GPC6: variants seen among roughly 807,000 people sequenced by gnomAD.
The protein encoded by GPC6 is glypican 6, also known as glypican-6.
Under a neutral mutation model 55.2 loss-of-function variants are expected in GPC6, and 14 were observed. The observed-to-expected ratio is 0.25, with a 90% CI of 0.17 to 0.40. GPC6 has a LOEUF of 0.40. GPC6 is among the 10% of genes least tolerant of loss of function. GPC6 has a pLI of 1.00. For missense variants in GPC6, 641 were observed against 708.5 expected (o/e 0.90, Z 1.08); for synonymous variants, 278 against 259.6 (o/e 1.07, Z -0.68).
chr13:93,225,690 T>C (rs1048167156), upstream of GPC6, among the ~76,000 whole-genome samples: 1 of 152,154 alleles, frequency 6.6e-6, no homozygotes, highest in African/African-American at 2.4e-5. Context: ...ACAATGTACC[T>C]AATATGTTGT....
intron 4 of GPC6, among the ~76,000 whole-genome samples, chr13:94,243,899 C>T (rs1306703825): frequency 1.3e-5 from 2 of 152,094 alleles, no homozygotes; most frequent in Non-Finnish European, 2.9e-5. Context: ...GGACAGGATG[C>T]TTTCTCTTTC....
chr13:93,405,930 A>G (rs917238556), intron 1 of GPC6, among the ~76,000 whole-genome samples: 1 of 152,204 alleles, frequency 6.6e-6, no homozygotes, highest in Non-Finnish European at 1.5e-5. Flanking sequence ...AAAGTCCTAG[A>G]GGCCCCACTC....
chr13:93,741,985 A>G (rs4771881), intron 2 of GPC6, among the ~76,000 whole-genome samples: 73,124 of 152,102 alleles, frequency 0.48, 19,640 homozygotes, highest in Middle Eastern at 0.74. Context: ...ACAGAACTAA[A>G]AAAATGTAAA....
At chr13:93,865,474 T>A (rs566731772) in intron 3 of GPC6, among the ~76,000 whole-genome samples, 38 of 151,806 alleles carry the variant, frequency 2.5e-4, no homozygotes, top group Non-Finnish European at 4.7e-4. Context: ...TTTAAGTGGC[T>A]TTCCAGATAT....
At chr13:94,311,018 C>T (rs1280577968) in intron 6 of GPC6, among the ~76,000 whole-genome samples, 3 of 152,036 alleles carry the variant, frequency 2.0e-5, no homozygotes, top group African/African-American at 4.8e-5. Flanking sequence ...GTTTGCTTTT[C>T]GTTTTCTACT....
chr13:93,925,278 A>AT (rs1254954846), intron 3 of GPC6, among the ~76,000 whole-genome samples: 1 of 151,522 alleles, frequency 6.6e-6, no homozygotes, highest in Admixed American at 6.6e-5. Flanking sequence ...AGTCTTTTCT[A>AT]TTTTTTTTTA....
intron 1 of GPC6, among the ~76,000 whole-genome samples, chr13:93,437,121 A>T (rs1877602630): frequency 6.6e-6 from 1 of 152,100 alleles, no homozygotes; most frequent in East Asian, 1.9e-4. Flanking sequence ...ATGCCCATAT[A>T]AAAAAGCAAA....
chr13:93,220,962 A>G, the GPC6 span, among the ~76,000 whole-genome samples: 6 of 152,200 alleles, frequency 3.9e-5, no homozygotes, highest in East Asian at 1.2e-3. Context: ...CACTCACTGC[A>G]CCCTTGACCT....
At chr13:93,465,307 A>G (rs1346307727) in intron 1 of GPC6, among the ~76,000 whole-genome samples, 1 of 152,186 alleles carries the variant, frequency 6.6e-6, no homozygotes, top group Non-Finnish European at 1.5e-5. Flanking sequence ...CTTTTTAGCT[A>G]TAAAAGTCCT....
At chr13:93,387,781 A>G (rs187934750) in intron 1 of GPC6, among the ~76,000 whole-genome samples, 26 of 152,342 alleles carry the variant, frequency 1.7e-4, no homozygotes, top group Admixed American at 1.2e-3. Context: ...ACGTTTCCAC[A>G]TATGGTCTGA....
chr13:94,175,986 A>AGAGAGAGAGAGAGAGAGAGAGAGAGC, intron 4 of GPC6, among the ~76,000 whole-genome samples: 1 of 131,206 alleles, frequency 7.6e-6, no homozygotes, highest in South Asian at 2.6e-4. Context: ...AGAGAGAGAG[A>AGAGAGAGAGAGAGAGAGAGAGAGAGC]GAGAGAGCGA....
intron 2 of GPC6, among the ~76,000 whole-genome samples, chr13:93,707,554 C>T (rs562606328): frequency 2.6e-5 from 4 of 151,800 alleles, no homozygotes; most frequent in African/African-American, 9.6e-5. Flanking sequence ...CTCCTGTCCC[C>T]ATCAAGGCAA....
intron 3 of GPC6, among the ~76,000 whole-genome samples, chr13:93,847,165 C>T (rs1035080398): frequency 1.1e-4 from 16 of 152,060 alleles, no homozygotes; most frequent in African/African-American, 3.4e-4. Context: ...ACTTCTGTCC[C>T]TTAAGTGTAA....
At chr13:94,091,081 A>G (rs1423397039) in intron 4 of GPC6, among the ~76,000 whole-genome samples, 2 of 152,166 alleles carry the variant, frequency 1.3e-5, no homozygotes, top group African/African-American at 2.4e-5. Flanking sequence ...TATTCACTGC[A>G]ATGTAGCTAG....
intron 1 of GPC6, among the ~76,000 whole-genome samples, chr13:93,368,024 T>A (rs1881309305): frequency 6.6e-6 from 1 of 152,126 alleles, no homozygotes; most frequent in Admixed American, 6.6e-5. Flanking sequence ...GAAAAGATGG[T>A]TGTTAAAATC....
Position 93,713,776 on chromosome 13 carries a change from TA to T in GPC6, c.320-116377del, listed in dbSNP as rs1474142966. 4.0e-5 allele frequency among the ~76,000 whole-genome samples: 6 copies of T among 151,872 alleles called. No homozygotes were observed. The East Asian group carries it at 1.2e-3, about 30-fold the overall frequency. On this transcript the variant is annotated intron_variant, in intron 2 of 8. Coordinates refer to ENST00000377047, the MANE Select transcript of GPC6 (RefSeq NM_005708.5). ...TTCATGTAACTACAGCAGTTTATGATATTTTTATATCAGCAACACTTATTCT... is the reference window on the plus strand; with the variant it reads ...TTCATGTAACTACAGCAGTTTATGATTTTTTATATCAGCAACACTTATTCT...
At chr13:94,287,831 A>G (rs1892572201) in intron 5 of GPC6, among the ~76,000 whole-genome samples, 1 of 152,196 alleles carries the variant, frequency 6.6e-6, no homozygotes, top group African/African-American at 2.4e-5. Context: ...TGCTCAAGTA[A>G]TCAGGTGCTA....
At chr13:93,564,969 C>CAG (rs1876016241) in intron 2 of GPC6, among the ~76,000 whole-genome samples, 1 of 152,088 alleles carries the variant, frequency 6.6e-6, no homozygotes, top group Non-Finnish European at 1.5e-5. Flanking sequence ...TAACCTGAAA[C>CAG]CTTAGATAGT....
chr13:93,725,455 G>C lies in GPC6; in HGVS notation c.320-104699G>C, dbSNP rs201814983. Among the ~76,000 whole-genome samples the C allele has an allele frequency of 2.0e-5, 3 of 152,014 alleles. No individual in the cohort carries two copies. In the East Asian group the frequency reaches 5.8e-4, roughly 29 times the overall value. ...AGAAATATCAAATAAACAAAAGAAT[G>C]CTTCTCAGACCCTTTCTAACCTGCT... On this transcript the variant is annotated intron_variant, in intron 2 of 8. Coordinates refer to ENST00000377047, the MANE Select transcript of GPC6 (RefSeq NM_005708.5).
Sources: gnomAD v4.1 joint callset for allele counts (sites outside exome capture counted in the v4.1 genomes callset) on GRCh38, gnomAD v4.1.1 for gene constraint, MANE v1.5 for transcripts, NCBI Gene and HGNC (gene_info 2026-07-23, HGNC 2026-07-21) for gene names.